ROBO2: variants seen among roughly 807,000 people sequenced by gnomAD.
ROBO2 encodes the protein roundabout homolog 2.
A neutral mutation model predicts 160.8 loss-of-function variants in ROBO2; 53 were observed. That is an observed-to-expected ratio of 0.33 (90% confidence interval 0.26 to 0.41). The LOEUF (loss-of-function observed/expected upper bound fraction) is 0.41, where lower values mean the gene tolerates loss of function less well. Among genes scored for constraint, ROBO2 ranks in the 10% least tolerant of loss-of-function variants. The probability of loss-of-function intolerance (pLI) is 1.00; values close to 1 mark genes in which losing one functional copy is unlikely to be tolerated. For synonymous variants in ROBO2, 664 were observed against 611.7 expected (o/e 1.09, Z -1.26); for missense variants, 1,577 against 1,722.4 (o/e 0.92, Z 1.49).
chr3:77,388,475 G>T (rs199861864), intron 2 of ROBO2, among the ~76,000 whole-genome samples: 1 of 151,914 alleles, frequency 6.6e-6, no homozygotes, highest in East Asian at 1.9e-4. Flanking sequence ...TGTTCTTCTC[G>T]CTCCTTCTCT....
chr3:76,003,925 A>G (rs2065954104), intron 2 of ROBO2, among the ~76,000 whole-genome samples: 1 of 152,228 alleles, frequency 6.6e-6, no homozygotes. Context: ...ATAAAATTAC[A>G]GAAGACAGAG....
rs1333110095 is a variant in ROBO2 at position 76,169,637 on chromosome 3, G to T, written c.109+232035G>T. 3.3e-5 allele frequency among the ~76,000 whole-genome samples: 5 copies of T among 152,076 alleles called. No homozygotes were observed. The East Asian group carries it at 9.7e-4, about 29-fold the overall frequency. On this transcript the variant is annotated intron_variant, in intron 2 of 26. Transcript: ENST00000487694. ...AATCTGACTTTATTGCATTACAGGT[G>T]GTCATAATCATTGATAATAATAAAT...
At chr3:76,359,458 G>A (rs1425877310) in intron 2 of ROBO2, among the ~76,000 whole-genome samples, 3 of 152,036 alleles carry the variant, frequency 2.0e-5, no homozygotes, top group Admixed American at 6.6e-5. Flanking sequence ...TAAATGCTAA[G>A]AGCATATTAA....
At chr3:76,827,346 C>T (rs1009605742) in intron 2 of ROBO2, among the ~76,000 whole-genome samples, 2 of 152,136 alleles carry the variant, frequency 1.3e-5, no homozygotes, top group Middle Eastern at 3.2e-3. Flanking sequence ...CTTCTGAACA[C>T]TTACTATTTG....
intron 2 of ROBO2, among the ~76,000 whole-genome samples, chr3:76,264,788 T>C (rs1371785881): frequency 6.6e-6 from 1 of 152,148 alleles, no homozygotes; most frequent in Admixed American, 6.5e-5. Context: ...CCCATACTAC[T>C]CTTCTCAGGG....
Position 76,148,854 on chromosome 3 carries a change from C to T in ROBO2, c.109+211252C>T, listed in dbSNP as rs117159430. Among the ~76,000 whole-genome samples the T allele has an allele frequency of 5.8e-4, 89 of 152,170 alleles. No individual in the cohort carries two copies. In the East Asian group the frequency reaches 0.017, roughly 28 times the overall value. The stretch of plus-strand genomic sequence containing the variant: ...TTTAAAGCTATATTTCTGTAGGGTG[C>T]AGTGCTTGTCTTTCTTTTCACTATT... On this transcript the variant is annotated intron_variant, in intron 2 of 26. Coordinates refer to the ROBO2 transcript ENST00000487694.
At chr3:77,002,025 T>C (rs2061359067) in intron 2 of ROBO2, among the ~76,000 whole-genome samples, 1 of 152,080 alleles carries the variant, frequency 6.6e-6, no homozygotes, top group Non-Finnish European at 1.5e-5. Context: ...TTGGAGAGAG[T>C]ATGGTAATAT....
At chr3:76,313,411 A>T (rs984866755) in intron 2 of ROBO2, among the ~76,000 whole-genome samples, 1 of 152,184 alleles carries the variant, frequency 6.6e-6, no homozygotes, top group Non-Finnish European at 1.5e-5. Context: ...GCAGTCTTTT[A>T]AAACACATTT....
chr3:76,323,141 A>T (rs1189662615), intron 2 of ROBO2, among the ~76,000 whole-genome samples: 1 of 79,130 alleles, frequency 1.3e-5, no homozygotes, highest in East Asian at 3.9e-4. Context: ...TTAGTATTAC[A>T]CACACACACA....
chr3:75,968,632 A>C (rs2064884395), intron 2 of ROBO2, among the ~76,000 whole-genome samples: 1 of 151,636 alleles, frequency 6.6e-6, no homozygotes, highest in Non-Finnish European at 1.5e-5. Flanking sequence ...TTTTCAGTAC[A>C]GAATACAATA....
chr3:77,038,122 T>C (rs754230109), upstream of ROBO2, among the ~76,000 whole-genome samples: 6 of 152,238 alleles, frequency 3.9e-5, no homozygotes, highest in Non-Finnish European at 8.8e-5. Context: ...ACCACAGTGT[T>C]ATCCAATTTA....
chr3:77,146,940 C>G (rs2077167457), intron 2 of ROBO2, among the ~76,000 whole-genome samples: 1 of 152,110 alleles, frequency 6.6e-6, no homozygotes, highest in South Asian at 2.1e-4. Context: ...GCACTCCAAC[C>G]TGGGTGACAG....
At chr3:76,802,195 A>C (rs2064251641) in intron 2 of ROBO2, among the ~76,000 whole-genome samples, 1 of 152,246 alleles carries the variant, frequency 6.6e-6, no homozygotes, top group Admixed American at 6.5e-5. Context: ...TGGCACTGAC[A>C]GGCTTGCTTC....
intron 2 of ROBO2, among the ~76,000 whole-genome samples, chr3:76,349,632 C>G (rs919542764): frequency 6.6e-6 from 1 of 152,084 alleles, no homozygotes; most frequent in Admixed American, 6.6e-5. Flanking sequence ...TGGAAAGGGT[C>G]TGAGATTTCA....
At chr3:76,386,413 G>A (rs1011104399) in intron 2 of ROBO2, among the ~76,000 whole-genome samples, 10 of 137,740 alleles carry the variant, frequency 7.3e-5, no homozygotes, top group African/African-American at 2.2e-4. Context: ...TATATGTCAG[G>A]TATTGTTCTA....
chr3:76,538,855 C>G (rs1334235000), intron 2 of ROBO2, among the ~76,000 whole-genome samples: 1 of 152,036 alleles, frequency 6.6e-6, no homozygotes, highest in Non-Finnish European at 1.5e-5. Flanking sequence ...TTTGGAAAAC[C>G]AAACATTTTA....
chr3:77,392,810 G>T (rs968960715), intron 2 of ROBO2, among the ~76,000 whole-genome samples: 3 of 152,038 alleles, frequency 2.0e-5, no homozygotes, highest in Non-Finnish European at 4.4e-5. Context: ...CTATTTCTTT[G>T]TCTTTTTTCT....
chr3:76,163,738 C>T (rs1469945140), intron 2 of ROBO2, among the ~76,000 whole-genome samples: 4 of 146,868 alleles, frequency 2.7e-5, no homozygotes, highest in African/African-American at 4.9e-5. Context: ...TAGAAATGCA[C>T]ATACCATAAT....
At position 77,195,154 on chromosome 3, in the gene ROBO2, T is replaced by A. The variant is rs913812620; in HGVS notation, c.388+96814T>A. Among the ~76,000 whole-genome samples, 38 of 152,180 alleles carry A rather than the reference T, an allele frequency of 2.5e-4. 1 individual carries two copies. Among genetic ancestry groups the A allele is most frequent in the Admixed American group, 2.4e-3 (36 of 15,266 alleles). On this transcript the variant is annotated intron_variant, in intron 2 of 25. Transcript: ENST00000461745. Reference sequence around the variant, plus strand: ...TTACATTCAGGTAAATAGGACGCTATACAGAGTATAAATCTAATATTCTTT... The same window carrying A: ...TTACATTCAGGTAAATAGGACGCTAAACAGAGTATAAATCTAATATTCTTT...
Sources: gnomAD v4.1 joint callset for allele counts (sites outside exome capture counted in the v4.1 genomes callset) on GRCh38, gnomAD v4.1.1 for gene constraint, MANE v1.5 for transcripts, NCBI Gene and HGNC (gene_info 2026-07-23, HGNC 2026-07-21) for gene names.